The following ZMYM4 variants were observed in gnomAD, a reference collection of about 807,000 sequenced individuals.
ZMYM4 encodes zinc finger MYM-type protein 4.
Under a neutral mutation model 183.2 loss-of-function variants are expected in ZMYM4, and 31 were observed. The observed-to-expected ratio is 0.17, with a 90% confidence interval of 0.13 to 0.23. The LOEUF (loss-of-function observed/expected upper bound fraction) is 0.23, where lower values mean the gene tolerates loss of function less well. Among genes scored for constraint, ZMYM4 ranks in the 10% least tolerant of loss-of-function variants. The pLI is 1.00. For synonymous variants in ZMYM4, 592 were observed against 631.2 expected, an observed-to-expected ratio of 0.94 and a Z score of 0.93; for missense variants, 1,273 against 1,840.3, an observed-to-expected ratio of 0.69 and a Z score of 5.64.
intron 1 of ZMYM4, among the ~76,000 whole-genome samples, chr1:35,296,911 G>A (rs1570282392): frequency 1.5e-5 from 2 of 134,078 alleles, no homozygotes; most frequent in African/African-American, 2.8e-5. Context: ...GTGCAGTGAC[G>A]CCATCTTGGC....
intron 23 of ZMYM4, among the ~76,000 whole-genome samples, chr1:35,399,838 C>G (rs1245789044): frequency 6.6e-6 from 1 of 151,516 alleles, no homozygotes; most frequent in Non-Finnish European, 1.5e-5. Context: ...ATTTTTTATG[C>G]TTTATCTGTT....
In ZMYM4 at chr1:35,361,728, A is replaced by G. The variant is rs767671002; in HGVS notation, c.779A>G (p.Lys260Arg). The stretch of plus-strand genomic sequence containing the variant: ...GAACCTTTGGATGATGAGTATGACA[A>G]AGCAATGGCACCACAGCAGGGACTA... ...KEEPLDDEYDKAMAPQQGLLD... is the reference protein window; with the variant it reads ...KEEPLDDEYDRAMAPQQGLLD... Residue 260 changes from lysine (K) to arginine (R), a missense_variant, in exon 5 of 30, where the codon AAA (lysine) becomes AGA (arginine). Lys to Arg is a conservative substitution (Grantham distance 26). Coordinates refer to ENST00000314607, the MANE Select transcript of ZMYM4 (RefSeq NM_005095.3). The G allele has an allele frequency of 6.2e-7, 1 of 1,613,896 alleles. No individual in the cohort carries two copies. Among genetic ancestry groups the G allele is most frequent in the South Asian group, 1.1e-5 (1 of 91,068 alleles).
chr1:35,381,479 G>C, intron 8 of ZMYM4, 46 bp downstream of exon 8: 21 of 1,608,606 alleles, frequency 1.3e-5, no homozygotes, highest in Non-Finnish European at 1.7e-5. Context: ...TAATACGTTT[G>C]TGCTTAAAGA....
Position 35,421,026 on chromosome 1 carries a change from C to T in ZMYM4, c.*1349C>T, listed in dbSNP as rs140655874. On this transcript the variant is annotated 3_prime_UTR_variant, in exon 30 of 30. Coordinates refer to ENST00000314607, the MANE Select transcript of ZMYM4 (RefSeq NM_005095.3). ...AAATTTGGAATCAAAGCTTTTATGACGTTTGCCAATTGCAGAACTTCTTCA... is the reference window on the plus strand; with the variant it reads ...AAATTTGGAATCAAAGCTTTTATGATGTTTGCCAATTGCAGAACTTCTTCA... 2.0e-5 allele frequency: 3 copies of T among 152,332 alleles called. No homozygotes were observed. The highest frequency in any genetic ancestry group is 1.9e-4 in the East Asian group (1 of 5,182). 9.4% of individuals were successfully genotyped at this position (152,332 alleles called of 1,614,324 possible). A position where few individuals can be genotyped will look rare whatever the true frequency, so the allele number is the denominator to read the frequency against.
At chr1:35,270,004 A>G (rs1557875545) in intron 1 of ZMYM4, among the ~76,000 whole-genome samples, 1 of 152,218 alleles carries the variant, frequency 6.6e-6, no homozygotes, top group African/African-American at 2.4e-5. Context: ...GCAAAAAATT[A>G]CTACTTTATG....
chr1:35,336,258 G>A (rs1055271040), intron 2 of ZMYM4, among the ~76,000 whole-genome samples: 1 of 152,036 alleles, frequency 6.6e-6, no homozygotes, highest in Non-Finnish European at 1.5e-5. Context: ...GATACATGTA[G>A]CATGTGTTAG....
At chr1:35,397,286 C>G (rs1360504324) in intron 19 of ZMYM4, 91 bp from the exon 20 acceptor site, 1 of 1,323,326 alleles carries the variant, frequency 7.6e-7, no homozygotes, top group Non-Finnish European at 1.0e-6. Flanking sequence ...AATTTGTTTA[C>G]TATTTTAATA....
chr1:35,409,813 G>T (rs1324397667), intron 26 of ZMYM4, among the ~76,000 whole-genome samples: 3 of 152,010 alleles, frequency 2.0e-5, no homozygotes, highest in African/African-American at 7.2e-5. Context: ...GGTGGCACAT[G>T]CCTGTAGTCC....
chr1:35,365,127 G>A (rs1644038534), intron 5 of ZMYM4, among the ~76,000 whole-genome samples: 1 of 152,020 alleles, frequency 6.6e-6, no homozygotes, highest in Non-Finnish European at 1.5e-5. Flanking sequence ...GTATAAGATG[G>A]CCAGAGTAGA....
intron 9 of ZMYM4, among the ~76,000 whole-genome samples, chr1:35,384,110 T>C (rs1364424125): frequency 6.6e-6 from 1 of 152,174 alleles, no homozygotes; most frequent in Non-Finnish European, 1.5e-5. Context: ...AGATAAGACG[T>C]ATAAATGAGT....
At chr1:35,374,178 T>G (rs937729517) in intron 7 of ZMYM4, among the ~76,000 whole-genome samples, 1 of 151,702 alleles carries the variant, frequency 6.6e-6, no homozygotes, top group Non-Finnish European at 1.5e-5. Context: ...ATTACAGGCA[T>G]GCACCACTAT....
chr1:35,302,854 A>G (rs1641353006), intron 1 of ZMYM4, among the ~76,000 whole-genome samples: 1 of 152,040 alleles, frequency 6.6e-6, no homozygotes, highest in Admixed American at 6.6e-5. Context: ...GTTTTTAAAA[A>G]GAGAGCCTGA....
rs370661632 is a variant in ZMYM4, at chr1:35,307,559, G to A, written c.40-17801G>A. Among the ~76,000 whole-genome samples the A allele has an allele frequency of 1.5e-4, 22 of 144,852 alleles. No individual in the cohort carries two copies. In the East Asian group the frequency reaches 1.8e-3, roughly 12 times the overall value. On this transcript the variant is annotated intron_variant, in intron 1 of 29. Coordinates refer to ENST00000314607, the MANE Select transcript of ZMYM4 (RefSeq NM_005095.3). Reference sequence around the variant, plus strand: ...TTATTATTATTTTTTTTTTGAGACAGAGTCTTGCTCTGTCGCCCAGGCTGG... The same window carrying A: ...TTATTATTATTTTTTTTTTGAGACAAAGTCTTGCTCTGTCGCCCAGGCTGG...
intron 28 of ZMYM4, among the ~76,000 whole-genome samples, chr1:35,418,094 G>C (rs888974747): frequency 1.3e-5 from 2 of 152,152 alleles, no homozygotes; most frequent in African/African-American, 4.8e-5. Context: ...GCTTTATCTT[G>C]ATATGTCTCA....
chr1:35,401,488 G>A (rs1168664156), intron 23 of ZMYM4, among the ~76,000 whole-genome samples: 1 of 151,984 alleles, frequency 6.6e-6, no homozygotes, highest in Non-Finnish European at 1.5e-5. Flanking sequence ...TGTTGGGTTG[G>A]TTGTTATCTT....
intron 1 of ZMYM4, among the ~76,000 whole-genome samples, chr1:35,309,576 T>C (rs1641697565): frequency 1.3e-5 from 2 of 152,256 alleles, no homozygotes. Context: ...CTGTCTCATC[T>C]ATCTCTTTAA....
intron 2 of ZMYM4, among the ~76,000 whole-genome samples, chr1:35,352,265 G>GTGCACA (rs1167467592): frequency 2.8e-4 from 24 of 85,488 alleles, no homozygotes; most frequent in African/African-American, 1.1e-3. Context: ...GCGCACGCGC[G>GTGCACA]CGCGCACACA....
At chr1:35,418,618 AC>A in intron 29 of ZMYM4, 46 bp downstream of exon 29, 1 of 1,602,792 alleles carries the variant, frequency 6.2e-7, no homozygotes, top group African/African-American at 1.3e-5. Context: ...AAGGCAGTTA[AC>A]ATATTTTGGA....
intron 2 of ZMYM4, among the ~76,000 whole-genome samples, chr1:35,334,436 T>C (rs1642891492): frequency 6.6e-6 from 1 of 152,196 alleles, no homozygotes; most frequent in Admixed American, 6.5e-5. Flanking sequence ...GTCTGATGGA[T>C]GTAAAATATC....
Sources: allele counts gnomAD v4.1 joint callset (sites outside exome capture counted in the v4.1 genomes callset), GRCh38; gene constraint gnomAD v4.1.1; transcripts MANE v1.5; gene names NCBI Gene and HGNC (gene_info 2026-07-23, HGNC 2026-07-21).